The following CABYR variants were observed in gnomAD, a reference collection of about 807,000 sequenced individuals.
CABYR encodes the protein calcium-binding tyrosine phosphorylation-regulated protein.
Under a neutral mutation model 36.1 loss-of-function variants are expected in CABYR, and 31 were observed. That is an observed-to-expected ratio of 0.86 (90% CI 0.64 to 1.16). CABYR has a LOEUF of 1.16. Among genes scored for constraint, CABYR ranks in the 50% most tolerant of loss-of-function variants. The pLI is 0.00. For synonymous variants in CABYR, 146 were observed against 160.7 expected (o/e 0.91, Z 0.69); for missense variants, 429 against 455.8 (o/e 0.94, Z 0.53).
At position 24,159,667 on chromosome 18, in the gene CABYR, C is replaced by T. The variant is rs778366871; in HGVS notation, c.737C>T (p.Thr246Ile). Residue 246 changes from threonine to isoleucine, a missense_variant, in exon 5 of 6, where the codon ACT (threonine) becomes ATT (isoleucine). By Grantham distance (89) the Thr-to-Ile change is moderately conservative. Transcript: ENST00000399496. ...QQHPPKVTFPTYVMGDTKKTS... is the reference protein window; with the variant it reads ...QQHPPKVTFPIYVMGDTKKTS... Reference sequence around the variant, plus strand: ...CATCCACCAAAAGTCACTTTTCCAACTTATGTGATGGGCGACACCAAGAAG... The same window carrying T: ...CATCCACCAAAAGTCACTTTTCCAATTTATGTGATGGGCGACACCAAGAAG... The T allele has an allele frequency of 1.2e-6, 2 of 1,613,666 alleles. No individual in the cohort carries two copies. Among genetic ancestry groups the T allele is most frequent in the African/African-American group, 1.3e-5 (1 of 74,764 alleles).
chr18:24,147,252 CAA>C (rs5823414), intron 3 of CABYR, among the ~76,000 whole-genome samples: 22 of 96,432 alleles, frequency 2.3e-4, no homozygotes, highest in African/African-American at 7.4e-4. Context: ...AACCATGTCT[CAA>C]AAAAAAAAAA....
chr18:24,148,879 C>A (rs2085526833), intron 3 of CABYR, among the ~76,000 whole-genome samples: 1 of 151,980 alleles, frequency 6.6e-6, no homozygotes, highest in African/African-American at 2.4e-5. Flanking sequence ...TGAGCAGTGG[C>A]AAAATTTATT....
chr18:24,139,461 G>C (rs1167797263), intron 1 of CABYR: 1 of 152,262 alleles, frequency 6.6e-6, no homozygotes, highest in East Asian at 1.9e-4. Flanking sequence ...GGTTCTTTAG[G>C]GAGAGGTCGG....
Position 24,159,707 on chromosome 18 carries a change from T to C in CABYR, c.777T>C (p.Pro259=). ...ACACCAAGAAGACCAGTGCCCCACC[T>C]TTTATCTTAGTAGGCTCAAATGTTC... ...MGDTKKTSAP[P]FILVGSNVQE... is the part of the protein sequence containing the mutation. Residue 259 remains proline (P), a synonymous_variant, in exon 5 of 6, where the codon CCT becomes CCC. Transcript: ENST00000399496. 6.2e-7 allele frequency: 1 copy of C among 1,614,000 alleles called. No individual in the cohort carries two copies. The highest frequency in any genetic ancestry group is 8.5e-7 in the Non-Finnish European group (1 of 1,179,988).
chr18:24,152,600 G>A (rs894262223), intron 3 of CABYR: 20 of 152,272 alleles, frequency 1.3e-4, no homozygotes, highest in African/African-American at 4.8e-4. Context: ...CAAAAATATT[G>A]AGCTTTTTTA....
rs1452799253 is a variant in CABYR, at chr18:24,143,088, T to C, written c.-24-3T>C. ...TACTTCTAAGACTTTTTCTTCATTC[T>C]AGTTGAGTTACAGACATCCTGCCAA... On this transcript the variant is annotated splice_region_variant and splice_polypyrimidine_tract_variant and intron_variant, in intron 1 of 5. Coordinates refer to ENST00000399496, the MANE Select transcript of CABYR (RefSeq NM_153769.3). 1 of 1,557,456 alleles carries C rather than the reference T, an allele frequency of 6.4e-7. No individual in the cohort carries two copies.
intron 1 of CABYR, among the ~76,000 whole-genome samples, chr18:24,141,634 T>C (rs2085324157): frequency 6.6e-6 from 1 of 152,234 alleles, no homozygotes; most frequent in Non-Finnish European, 1.5e-5. Context: ...ACCTGTAGCT[T>C]CACCTTGTTT....
chr18:24,139,887 T>C (rs1338806127), intron 1 of CABYR: 5 of 151,950 alleles, frequency 3.3e-5, no homozygotes, highest in Admixed American at 1.3e-4. Flanking sequence ...TCCTGAAAGG[T>C]TGTTGGCGCC....
At chr18:24,151,347 A>G (rs1319797522) in intron 3 of CABYR, among the ~76,000 whole-genome samples, 3 of 152,240 alleles carry the variant, frequency 2.0e-5, no homozygotes, top group Non-Finnish European at 4.4e-5. Flanking sequence ...CTCAGTGTGT[A>G]TAGTTTTGTC....
At chr18:24,149,139 C>A (rs917135457) in intron 3 of CABYR, among the ~76,000 whole-genome samples, 27 of 152,090 alleles carry the variant, frequency 1.8e-4, no homozygotes, top group African/African-American at 6.5e-4. Context: ...TTCTCCAAGG[C>A]CCCACCAGAG....
At chr18:24,142,454 C>T (rs2085347708) in intron 1 of CABYR, among the ~76,000 whole-genome samples, 1 of 152,164 alleles carries the variant, frequency 6.6e-6, no homozygotes, top group Admixed American at 6.5e-5. Context: ...TTTGGAAGGA[C>T]TTGTTTAGAA....
Position 24,156,725 on chromosome 18 carries a change from T to TATCA in CABYR, c.541+685_541+688dup. The TATCA allele has an allele frequency of 4.3e-6, 7 of 1,614,200 alleles. No individual in the cohort carries two copies. The Middle Eastern group carries it at 4.9e-4, about 114-fold the overall frequency. On this transcript the variant is annotated intron_variant, in intron 4 of 5. Transcript: ENST00000399496. ...CACAACTCCTGGATGCAGAAGGTGC[T>TATCA]ATCAAAATAGGCTCTGAAAAATCTC...
At position 24,160,034 on chromosome 18, in the gene CABYR, T is replaced by C. The variant is rs755649438; in HGVS notation, c.1104T>C (p.Thr368=). The change falls in exon 5 of 6, where the codon ACT becomes ACC. Residue 368 remains threonine (T), a synonymous_variant. Transcript: ENST00000399496. The stretch of plus-strand genomic sequence containing the variant: ...TTGCTGGGGAGGTAACCGTGACTAC[T>C]GCTCACAAACGTCGCAAAGCAGAAA... ...YGIAGEVTVT[T]AHKRRKAETE... 5 of 1,613,842 alleles carry C rather than the reference T, an allele frequency of 3.1e-6. No homozygotes were observed. The East Asian group carries it at 6.7e-5, about 22-fold the overall frequency.
rs569659806 is a variant in CABYR at position 24,155,817 on chromosome 18, G to T, written c.316G>T (p.Asp106Tyr). The change falls in exon 4 of 6, where the codon GAC (aspartate) becomes TAC (tyrosine). Residue 106 changes from aspartate (D) to tyrosine (Y), a missense_variant. Asp to Tyr is a radical substitution (Grantham distance 160). Transcript: ENST00000399496. Reference protein sequence around the residue: ...PTQMEKSTDTDEDNVTRTEYS... With the variant: ...PTQMEKSTDTYEDNVTRTEYS... ...CCAGATGGAAAAATCTACAGACACA[G>T]ACGAGGACAATGTAACCAGAACAGA... 14 of 1,614,146 alleles carry T rather than the reference G, an allele frequency of 8.7e-6. No individual in the cohort carries two copies. In the South Asian group the frequency reaches 8.8e-5, roughly 10 times the overall value.
rs200976954 is a variant in CABYR at position 24,143,137 on chromosome 18, T to C, written c.23T>C (p.Leu8Pro). The C allele has an allele frequency of 6.2e-7, 1 of 1,611,444 alleles. No homozygotes were observed. The highest frequency in any genetic ancestry group is 1.1e-5 in the South Asian group (1 of 90,118). The change falls in exon 2 of 6, where the codon CTT becomes CCT. Residue 8 changes from leucine to proline, a missense_variant. Leu to Pro is a moderately conservative substitution (Grantham distance 98). Coordinates refer to ENST00000399496, the MANE Select transcript of CABYR (RefSeq NM_153769.3). ...AAAATGATTTCTTCAAAGCCCAGAC[T>C]TGTCGTACCCTATGGCCTCAAGACT... is the stretch of plus-strand genomic sequence containing the variant. The part of the protein sequence containing the change: MISSKPR[L>P]VVPYGLKTLL...
chr18:24,149,398 TAG>T (rs1241630290), intron 3 of CABYR, among the ~76,000 whole-genome samples: 6 of 152,012 alleles, frequency 3.9e-5, no homozygotes, highest in Non-Finnish European at 7.4e-5. Context: ...TTGAGCTAGA[TAG>T]AGAGTGCCGA....
At chr18:24,147,252 CAAAAA>C (rs5823414) in intron 3 of CABYR, among the ~76,000 whole-genome samples, 1 of 96,432 alleles carries the variant, frequency 1.0e-5, no homozygotes, top group African/African-American at 4.4e-5. Flanking sequence ...AACCATGTCT[CAAAAA>C]AAAAAAAAAA....
At chr18:24,152,323 A>G (rs1671749839) in intron 3 of CABYR, among the ~76,000 whole-genome samples, 1 of 152,204 alleles carries the variant, frequency 6.6e-6, no homozygotes. Flanking sequence ...CAGAAACTCC[A>G]TGAAGTCAGA....
intron 5 of CABYR, among the ~76,000 whole-genome samples, chr18:24,161,307 C>A (rs980731686): frequency 1.3e-5 from 2 of 152,180 alleles, no homozygotes; most frequent in Non-Finnish European, 2.9e-5. Flanking sequence ...CTTCTTCAAC[C>A]TCTTTATGGA....
Sources: allele counts gnomAD v4.1 joint callset (sites outside exome capture counted in the v4.1 genomes callset), GRCh38; gene constraint gnomAD v4.1.1; transcripts MANE v1.5; gene names NCBI Gene and HGNC (gene_info 2026-07-23, HGNC 2026-07-21).